The following SRPRA variants were observed in gnomAD, a reference collection of about 807,000 sequenced individuals.
SRPRA encodes signal recognition particle receptor subunit alpha.
Under a neutral mutation model 61.1 loss-of-function variants are expected in SRPRA, and 30 were observed. The observed-to-expected ratio is 0.49, with a 90% CI of 0.37 to 0.67. The LOEUF (loss-of-function observed/expected upper bound fraction) is 0.67. Among genes scored for constraint, SRPRA ranks in the 30% least tolerant of loss-of-function variants. The pLI is 0.00. For missense variants in SRPRA, 759 were observed against 828.4 expected (o/e 0.92, Z 1.03); for synonymous variants, 324 against 299.7 (o/e 1.08, Z -0.84).
downstream of SRPRA, among the ~76,000 whole-genome samples, chr11:126,261,765 G>A (rs759404032): frequency 1.8e-4 from 27 of 152,154 alleles, no homozygotes; most frequent in Non-Finnish European, 3.5e-4. Context: ...GAGGCAGGAG[G>A]ATTGCTTGAG....
the SRPRA span, chr11:126,254,499 A>C: frequency 6.3e-7 from 1 of 1,587,442 alleles, no homozygotes; most frequent in African/African-American, 1.3e-5. Flanking sequence ...AATATGCCAT[A>C]GATCTTAAAG....
chr11:126,247,896 G>T, the SRPRA span, among the ~76,000 whole-genome samples: 3 of 143,148 alleles, frequency 2.1e-5, no homozygotes, highest in South Asian at 2.2e-4. Context: ...TATATATATA[G>T]ATATACGTAT....
chr11:126,251,043 ATTGATAATG>A, the SRPRA span, among the ~76,000 whole-genome samples: 1 of 152,210 alleles, frequency 6.6e-6, no homozygotes, highest in Non-Finnish European at 1.5e-5. Flanking sequence ...GTGGTGTAAT[ATTGATAATG>A]CTGGTTCTAT....
the SRPRA span, chr11:126,241,134 C>G: frequency 7.7e-7 from 1 of 1,298,076 alleles, no homozygotes; most frequent in African/African-American, 1.5e-5. Flanking sequence ...AACTAGCATG[C>G]CAAATGTAAC....
chr11:126,263,814 C>T lies in SRPRA; in HGVS notation c.*102G>A. On this transcript the variant is annotated 3_prime_UTR_variant, in exon 14 of 14. Transcript: ENST00000332118. ...CAAGCCCCCTCACTCTGCCTTTGTA[C>T]TACACTGAAGACAGGTTGCTCACAT... The T allele has an allele frequency of 6.6e-7, 1 of 1,519,274 alleles. No homozygotes were observed. Among genetic ancestry groups the T allele is most frequent in the Non-Finnish European group, 8.9e-7 (1 of 1,125,686 alleles). 94.1% of individuals were successfully genotyped at this position (1,519,274 alleles called of 1,614,324 possible).
chr11:126,236,126 A>C, the SRPRA span, among the ~76,000 whole-genome samples: 1 of 152,002 alleles, frequency 6.6e-6, no homozygotes, highest in Non-Finnish European at 1.5e-5. Context: ...GATATTTGCT[A>C]TTTCCCATTC....
the SRPRA span, chr11:126,250,371 GTGAGCCAC>G: frequency 3.8e-5 from 24 of 623,858 alleles, no homozygotes; most frequent in South Asian, 1.2e-4. The surrounding 1 kb of genome is among the most constrained non-coding windows in gnomAD (Gnocchi z 5.1). Context: ...GATTACAGGC[GTGAGCCAC>G]TGCGCCTGGC....
At chr11:126,262,163 C>G (rs1261616002), downstream of SRPRA, 1 of 1,612,344 alleles carries the variant, frequency 6.2e-7, no homozygotes, top group Non-Finnish European at 8.5e-7. Flanking sequence ...ACCGTTTAGA[C>G]CAAGCTGTAA....
In SRPRA at chr11:126,265,860, A is replaced by G. The variant is rs771467487; in HGVS notation, c.1052-37T>C. 1.9e-6 allele frequency: 3 copies of G among 1,613,412 alleles called. No homozygotes were observed. The highest frequency in any genetic ancestry group is 1.7e-5 in the Admixed American group (1 of 60,034). ...GGGACAGGTATGTCAGTTCCATGTC[A>G]GCAATGACCAATCTTTATGGTACAG... On this transcript the variant is annotated intron_variant, in intron 8 of 13. Transcript: ENST00000332118. The surrounding 1 kb of genome is among the most constrained non-coding windows in gnomAD (Gnocchi z 6.3).
the SRPRA span, among the ~76,000 whole-genome samples, chr11:126,249,830 C>T: frequency 6.6e-6 from 1 of 150,868 alleles, no homozygotes; most frequent in Non-Finnish European, 1.5e-5. Flanking sequence ...GCAAGATGAA[C>T]GGAAAGTGTT....
Position 126,267,301 on chromosome 11 carries a change from T to C in SRPRA, c.400A>G (p.Thr134Ala), listed in dbSNP as rs771814130. Residue 134 changes from threonine to alanine, a missense_variant, in exon 4 of 14, where the codon ACT becomes GCT. Coordinates refer to ENST00000332118, the MANE Select transcript of SRPRA (RefSeq NM_003139.4). This position sits in a 1 kb window ranked among gnomAD's most constrained non-coding sequence, Gnocchi z 4.2. ...AEESSKIRAP[T>A]TMKKFEDSEK... ...GAATCTTCAAATTTCTTCATGGTAG[T>C]GGGAGCACGGATCTTACTGCTCTCC... 2 of 1,614,164 alleles carry C rather than the reference T, an allele frequency of 1.2e-6. No individual in the cohort carries two copies. Among genetic ancestry groups the C allele is most frequent in the South Asian group, 1.1e-5 (1 of 91,082 alleles).
Position 126,264,034 on chromosome 11 carries a change from G to C in SRPRA, c.1799C>G (p.Ala600Gly). ...FDTIDDKVGA[A>G]ISMTYITSKP... is the part of the protein sequence containing the mutation. ...GCTTGTGATGTACGTCATAGAAATA[G>C]CAGCTCCCACCTAAGTGGAGAAAGA... The change falls in exon 14 of 14, where the codon GCT (alanine) becomes GGT (glycine). Residue 600 changes from alanine (A) to glycine (G), a missense_variant. Ala to Gly is a moderately conservative substitution (Grantham distance 60). Coordinates refer to ENST00000332118, the MANE Select transcript of SRPRA (RefSeq NM_003139.4). The surrounding 1 kb of genome is among the most constrained non-coding windows in gnomAD (Gnocchi z 5.0). 6.2e-7 allele frequency: 1 copy of C among 1,614,146 alleles called. No homozygotes were observed. The highest frequency in any genetic ancestry group is 8.5e-7 in the Non-Finnish European group (1 of 1,180,026).
At chr11:126,256,656 C>G in the SRPRA span, 1 of 1,614,184 alleles carries the variant, frequency 6.2e-7, no homozygotes, top group Non-Finnish European at 8.5e-7. The surrounding 1 kb of genome is among the most constrained non-coding windows in gnomAD (Gnocchi z 6.6). Flanking sequence ...AGGCCCTTTT[C>G]TTGGAGGCTG....
At chr11:126,238,667 C>T in the SRPRA span, among the ~76,000 whole-genome samples, 1 of 152,130 alleles carries the variant, frequency 6.6e-6, no homozygotes, top group African/African-American at 2.4e-5. Context: ...GAAGGGAAAC[C>T]TCTAGCCTGC....
At position 126,268,011 on chromosome 11, in the gene SRPRA, C is replaced by A; in HGVS notation, c.193G>T (p.Val65Leu). The change falls in exon 2 of 14, where the codon GTG (valine) becomes TTG (leucine). Residue 65 changes from valine (V) to leucine (L), a missense_variant. Physicochemically the swap from Val to Leu is conservative, Grantham distance 32. Coordinates refer to ENST00000332118, the MANE Select transcript of SRPRA (RefSeq NM_003139.4). ...TACAACACCCCACTTACCACAAACA[C>A]CAGCTCAAACTGGTTGTCCAGTTTA... The part of the protein sequence containing the change: ...KYKLDNQFEL[V>L]FVVGFQKILT... 6.2e-7 allele frequency: 1 copy of A among 1,614,158 alleles called. No individual in the cohort carries two copies. Among genetic ancestry groups the A allele is most frequent in the Non-Finnish European group, 8.5e-7 (1 of 1,180,020 alleles).
At chr11:126,244,539 C>T in the SRPRA span, among the ~76,000 whole-genome samples, 1 of 152,176 alleles carries the variant, frequency 6.6e-6, no homozygotes, top group East Asian at 1.9e-4. This position sits in a 1 kb window ranked among gnomAD's most constrained non-coding sequence, Gnocchi z 4.5. Context: ...CGTGGTGGCC[C>T]ATGCCTGTTG....
chr11:126,262,439 C>A, downstream of SRPRA: 1 of 392,566 alleles, frequency 2.5e-6, no homozygotes, highest in Non-Finnish European at 4.6e-6. Context: ...GATACTTCCA[C>A]TGACCGGCTG....
At position 126,265,104 on chromosome 11, in the gene SRPRA, C is replaced by G; in HGVS notation, c.1380G>C (p.Gly460=). 1 of 1,614,092 alleles carries G rather than the reference C, an allele frequency of 6.2e-7. No homozygotes were observed. Among genetic ancestry groups the G allele is most frequent in the Non-Finnish European group, 8.5e-7 (1 of 1,180,034 alleles). The change falls in exon 11 of 14, where the codon GGG becomes GGC. Residue 460 remains glycine (G), a synonymous_variant. Transcript: ENST00000332118. The surrounding 1 kb of genome is among the most constrained non-coding windows in gnomAD (Gnocchi z 6.3). ...TGTGTGTACGCAGCTGCTCCACGGC[C>G]CCAGCACGAAATGTATCACAGGCAG... ...LIAACDTFRA[G]AVEQLRTHTR... is the part of the protein sequence containing the mutation.
intron 1 of SRPRA, 145 bp from the exon 2 acceptor site, chr11:126,268,231 C>T (rs1950861977): frequency 1.5e-6 from 1 of 665,472 alleles, no homozygotes; most frequent in African/African-American, 1.8e-5. Context: ...TGGGGCACTT[C>T]TCTCTGGCAT....
Sources: gnomAD v4.1 joint callset for allele counts (sites outside exome capture counted in the v4.1 genomes callset) on GRCh38, gnomAD v4.1.1 for gene constraint, Gnocchi (gnomAD v3.1) non-coding constraint, MANE v1.5 for transcripts, NCBI Gene and HGNC (gene_info 2026-07-23, HGNC 2026-07-21) for gene names.